PTPRF: variants seen among roughly 807,000 people sequenced by gnomAD.
PTPRF encodes the protein protein tyrosine phosphatase receptor type F, also known as receptor-type tyrosine-protein phosphatase F.
In PTPRF, 59 loss-of-function variants were observed where a neutral mutation model predicts 201.8. The ratio of observed to expected loss-of-function variants is 0.29; its 90% confidence interval spans 0.24 to 0.36. The LOEUF is 0.36. Among genes scored for constraint, PTPRF ranks in the 10% least tolerant of loss-of-function variants. The pLI is 1.00. For synonymous variants in PTPRF, 1,088 were observed against 1,089.7 expected (o/e 1.00, Z 0.03); for missense variants, 2,132 against 2,690.5 (o/e 0.79, Z 4.59).
upstream of PTPRF, chr1:43,528,825 G>A (rs1023576419): frequency 6.6e-6 from 1 of 152,232 alleles, no homozygotes; most frequent in Non-Finnish European, 1.5e-5. Context: ...TCACAGGAGC[G>A]GCCCAGACTG....
rs1050547882 is a variant in PTPRF at position 43,542,472 on chromosome 1, G to C, written c.-45-2559G>C. On this transcript the variant is annotated intron_variant, in intron 2 of 33. Transcript: ENST00000359947. This position sits in a 1 kb window ranked among gnomAD's most constrained non-coding sequence, Gnocchi z 5.2. ...CTGAGCACCCCAACCCAGATACACAGGGGGTTTCTGGAGGCCCCACGTTGG... is the reference window on the plus strand; with the variant it reads ...CTGAGCACCCCAACCCAGATACACACGGGGTTTCTGGAGGCCCCACGTTGG... Among the ~76,000 whole-genome samples the C allele has an allele frequency of 2.6e-5, 4 of 152,112 alleles. No individual in the cohort carries two copies. The highest frequency in any genetic ancestry group is 4.8e-5 in the African/African-American group (2 of 41,398).
intron 22 of PTPRF, 86 bp from the exon 23 acceptor site, chr1:43,613,530 CAT>C: frequency 9.3e-7 from 1 of 1,070,876 alleles, no homozygotes; most frequent in Admixed American, 1.7e-5. Flanking sequence ...CACATGTTCA[CAT>C]GTGCACATAC....
chr1:43,620,716 CT>C, intron 31 of PTPRF, 121 bp from the exon 32 acceptor site: 1 of 1,522,940 alleles, frequency 6.6e-7, no homozygotes, highest in Non-Finnish European at 8.9e-7. Context: ...ACATCTCCCC[CT>C]GTGGCCTCGG....
At chr1:43,609,604 C>T (rs1178304328) in intron 22 of PTPRF, 106 bp downstream of exon 22, 1 of 740,970 alleles carries the variant, frequency 1.3e-6, no homozygotes, top group Admixed American at 2.5e-5. Flanking sequence ...GCCGCATGCA[C>T]TTGTTCCTGC....
At chr1:43,549,199 C>T (rs1179395239) in intron 3 of PTPRF, among the ~76,000 whole-genome samples, 1 of 152,206 alleles carries the variant, frequency 6.6e-6, no homozygotes, top group Non-Finnish European at 1.5e-5. Flanking sequence ...TCTGGTGGCA[C>T]CCTGTTGACC....
Position 43,576,989 on chromosome 1 carries a change from C to G in PTPRF, c.569-1821C>G, listed in dbSNP as rs1421631652. Among the ~76,000 whole-genome samples, 3 of 152,164 alleles carry G rather than the reference C, an allele frequency of 2.0e-5. No homozygotes were observed. In the East Asian group the frequency reaches 5.8e-4, roughly 29 times the overall value. On this transcript the variant is annotated intron_variant, in intron 6 of 33. Transcript: ENST00000359947. Reference sequence around the variant, plus strand: ...CAGCCTGTGGTGACTCTTTGTTGTCCCTGCTCCTGGGTCCTGGTGTTGGTT... The same window carrying G: ...CAGCCTGTGGTGACTCTTTGTTGTCGCTGCTCCTGGGTCCTGGTGTTGGTT...
chr1:43,620,734 T>C, intron 31 of PTPRF, 104 bp from the exon 32 acceptor site: 1 of 1,526,230 alleles, frequency 6.6e-7, no homozygotes. Flanking sequence ...TCGGGTGCAG[T>C]GACACAGATG....
chr1:43,617,283 C>T (rs1330968237), intron 23 of PTPRF, among the ~76,000 whole-genome samples, 162 bp from the exon 24 acceptor site: 4 of 152,064 alleles, frequency 2.6e-5, no homozygotes, highest in Non-Finnish European at 5.9e-5. Context: ...GATGTGGCAA[C>T]CTGTGAGCTC....
chr1:43,612,387 A>G (rs2154029880), intron 22 of PTPRF, among the ~76,000 whole-genome samples: 1 of 152,290 alleles, frequency 6.6e-6, no homozygotes, highest in Middle Eastern at 3.4e-3. Flanking sequence ...GGGATCTGAG[A>G]AGGAGGGCTC....
At chr1:43,552,192 C>G (rs1376804127) in intron 3 of PTPRF, among the ~76,000 whole-genome samples, 1 of 152,198 alleles carries the variant, frequency 6.6e-6, no homozygotes, top group African/African-American at 2.4e-5. Context: ...GTACTTCCCT[C>G]TCTCCCTCAT....
At chr1:43,611,304 C>T (rs1016925468) in intron 22 of PTPRF, among the ~76,000 whole-genome samples, 1 of 152,276 alleles carries the variant, frequency 6.6e-6, no homozygotes, top group Non-Finnish European at 1.5e-5. Context: ...TGCAGAGAAG[C>T]CTCTTCGGGG....
At chr1:43,577,123 T>C (rs1301971574) in intron 6 of PTPRF, among the ~76,000 whole-genome samples, 1 of 152,014 alleles carries the variant, frequency 6.6e-6, no homozygotes, top group Non-Finnish European at 1.5e-5. Context: ...GGGTCAGAAA[T>C]TTCACCCAGG....
At position 43,605,201 on chromosome 1, in the gene PTPRF, T is replaced by C. The variant is rs1169324908; in HGVS notation, c.3147T>C (p.Asn1049=). ...KSAVPFKILY[N]GQSVEVDGHS... ...CCCGTCCCCCACAGATTCTGTACAA[T>C]GGGCAGAGTGTGGAGGTGGACGGGC... is the stretch of plus-strand genomic sequence containing the variant. The change falls in exon 18 of 34, where the codon AAT becomes AAC. Residue 1049 remains asparagine (N), a synonymous_variant. Coordinates refer to ENST00000359947, the MANE Select transcript of PTPRF (RefSeq NM_002840.5). 1.2e-6 allele frequency: 2 copies of C among 1,600,090 alleles called. No individual in the cohort carries two copies. Among genetic ancestry groups the C allele is most frequent in the African/African-American group, 1.3e-5 (1 of 74,718 alleles).
At position 43,542,137 on chromosome 1, in the gene PTPRF, G is replaced by A. The variant is rs1028997403; in HGVS notation, c.-45-2894G>A. On this transcript the variant is annotated intron_variant, in intron 2 of 33. Transcript: ENST00000359947. This position sits in a 1 kb window ranked among gnomAD's most constrained non-coding sequence, Gnocchi z 5.2. ...GGCCAAGGTCTACTCTTGAGGCCAG[G>A]CCTGGGGATCCAGGGCTGCTCTGCT... Among the ~76,000 whole-genome samples, 1 of 152,128 alleles carries A rather than the reference G, an allele frequency of 6.6e-6. No homozygotes were observed. The highest frequency in any genetic ancestry group is 1.5e-5 in the Non-Finnish European group (1 of 68,008).
At chr1:43,617,964 GT>G in intron 25 of PTPRF, 53 bp downstream of exon 25, 1 of 1,544,322 alleles carries the variant, frequency 6.5e-7, no homozygotes, top group East Asian at 2.3e-5. Flanking sequence ...CAGCCACAAG[GT>G]GATACAGGGC....
rs1658214640 is a variant in PTPRF at position 43,617,724 on chromosome 1, T to C, written c.4196-12T>C. On this transcript the variant is annotated splice_polypyrimidine_tract_variant and intron_variant, in intron 24 of 33. Coordinates refer to ENST00000359947, the MANE Select transcript of PTPRF (RefSeq NM_002840.5). ...TGTAGTAATGCCCTCCCACCTCCTTTCTTATCCATAGGCGTCCCCGGGAGT... is the reference window on the plus strand; with the variant it reads ...TGTAGTAATGCCCTCCCACCTCCTTCCTTATCCATAGGCGTCCCCGGGAGT... 2.5e-6 allele frequency: 4 copies of C among 1,609,552 alleles called. No homozygotes were observed. In the South Asian group the frequency reaches 3.3e-5, roughly 13 times the overall value.
At chr1:43,527,953 C>T (rs1457903967), upstream of PTPRF, among the ~76,000 whole-genome samples, 1 of 152,224 alleles carries the variant, frequency 6.6e-6, no homozygotes, top group African/African-American at 2.4e-5. Context: ...CATTCTTTAA[C>T]AAATATGTAT....
At chr1:43,547,428 C>A (rs1045955145) in intron 3 of PTPRF, among the ~76,000 whole-genome samples, 2 of 152,218 alleles carry the variant, frequency 1.3e-5, no homozygotes, top group African/African-American at 4.8e-5. Flanking sequence ...GGGGCAGGAG[C>A]CTGGGCTGGG....
intron 6 of PTPRF, among the ~76,000 whole-genome samples, chr1:43,576,878 T>C (rs988419546): frequency 6.6e-6 from 1 of 152,212 alleles, no homozygotes; most frequent in Non-Finnish European, 1.5e-5. Context: ...CAAGAGCAGC[T>C]GCCTTCCTGG....
Sources: allele counts gnomAD v4.1 joint callset (sites outside exome capture counted in the v4.1 genomes callset), GRCh38; gene constraint gnomAD v4.1.1; non-coding constraint Gnocchi (gnomAD v3.1); transcripts MANE v1.5; gene names NCBI Gene and HGNC (gene_info 2026-07-23, HGNC 2026-07-21).